OTOF: variants seen among roughly 807,000 people sequenced by gnomAD.
OTOF encodes fer-1-like family member 2.
In OTOF, 218 loss-of-function variants were observed where a neutral mutation model predicts 236.8. The ratio of observed to expected loss-of-function variants is 0.92; its 90% CI spans 0.82 to 1.03. OTOF has a LOEUF of 1.03. Ranked by LOEUF, OTOF falls within the 50% of genes least tolerant of loss-of-function variation. The probability of loss-of-function intolerance (pLI) is 0.00; values close to 1 mark genes in which losing one functional copy is unlikely to be tolerated. For synonymous variants in OTOF, 1,041 were observed against 1,072.5 expected (o/e 0.97, Z 0.57); for missense variants, 2,590 against 2,694.4 (o/e 0.96, Z 0.86).
chr2:26,467,256 G>C (rs750418724), intron 34 of OTOF, 23 bp from the exon 35 acceptor site: 1 of 1,614,060 alleles, frequency 6.2e-7, no homozygotes, highest in African/African-American at 1.3e-5. Context: ...AGGCTGTTAG[G>C]GGGCGGCTGC....
chr2:26,468,271 A>G, intron 33 of OTOF, 137 bp downstream of exon 33: 1 of 750,712 alleles, frequency 1.3e-6, no homozygotes, highest in South Asian at 1.4e-5. Context: ...CCCATGGATT[A>G]CTGATGCTGC....
At chr2:26,522,616 T>TG in intron 3 of OTOF, among the ~76,000 whole-genome samples, 1 of 152,108 alleles carries the variant, frequency 6.6e-6, no homozygotes, top group East Asian at 1.9e-4. Flanking sequence ...CCCAGGACGA[T>TG]TGAGGAAGGG....
Position 26,480,879 on chromosome 2 carries a change from C to A in OTOF, c.1710G>T (p.Leu570=). The change falls in exon 15 of 47, where the codon CTG becomes CTT. Residue 570 remains leucine (L), a synonymous_variant. Coordinates refer to ENST00000272371, the MANE Select transcript of OTOF (RefSeq NM_194248.3). ...GEGVSFRARL[L]LGLAVEIVDT... ...CTACGATCTCCACAGCCAGGCCCAG[C>A]AGGAGCCGGGCCCGGAAGGACACAC... 6.2e-7 allele frequency: 1 copy of A among 1,613,030 alleles called. No homozygotes were observed. The highest frequency in any genetic ancestry group is 8.5e-7 in the Non-Finnish European group (1 of 1,180,008).
At chr2:26,552,549 C>G (rs1667487934) in intron 1 of OTOF, among the ~76,000 whole-genome samples, 1 of 152,148 alleles carries the variant, frequency 6.6e-6, no homozygotes, top group South Asian at 2.1e-4. Flanking sequence ...CAGGGGAAGG[C>G]AGTTTTACAA....
rs1385247703 is a variant in OTOF, at chr2:26,470,056, G to A, written c.4023+537C>T. Reference sequence around the variant, plus strand: ...ATAGGGGAAGAATCATTCACGTGCCGATGACCAAGATGTGTAAAATAAAAC... The same window carrying A: ...ATAGGGGAAGAATCATTCACGTGCCAATGACCAAGATGTGTAAAATAAAAC... On this transcript the variant is annotated intron_variant, in intron 32 of 46. Transcript: ENST00000272371. The surrounding 1 kb of genome is among the most constrained non-coding windows in gnomAD (Gnocchi z 4.3). Among the ~76,000 whole-genome samples, 2 of 152,184 alleles carry A rather than the reference G, an allele frequency of 1.3e-5. No homozygotes were observed. The highest frequency in any genetic ancestry group is 1.3e-4 in the Admixed American group (2 of 15,276).
chr2:26,472,418 T>C (rs1665031737), intron 30 of OTOF, 101 bp downstream of exon 30: 1 of 1,449,056 alleles, frequency 6.9e-7, no homozygotes, highest in African/African-American at 1.4e-5. Flanking sequence ...AAGGAGGCTC[T>C]TAGTGTCCTT....
chr2:26,551,377 C>G (rs1667458947), intron 1 of OTOF, among the ~76,000 whole-genome samples: 1 of 152,232 alleles, frequency 6.6e-6, no homozygotes, highest in Non-Finnish European at 1.5e-5. Flanking sequence ...AATAAAAACT[C>G]CTGACTCACT....
chr2:26,487,420 T>C (rs570883162), intron 11 of OTOF, among the ~76,000 whole-genome samples: 7 of 152,230 alleles, frequency 4.6e-5, no homozygotes, highest in African/African-American at 1.7e-4. Flanking sequence ...AGTGGAGACC[T>C]CGGCCCACAT....
rs1432445379 is a variant in OTOF at position 26,473,264 on chromosome 2, G to T, written c.3601C>A (p.Pro1201Thr). 1 of 1,613,320 alleles carries T rather than the reference G, an allele frequency of 6.2e-7. No individual in the cohort carries two copies. The highest frequency in any genetic ancestry group is 8.5e-7 in the Non-Finnish European group (1 of 1,179,930). Residue 1201 changes from proline to threonine, a missense_variant, in exon 29 of 47, where the codon CCC becomes ACC. By Grantham distance (38) the Pro-to-Thr change is conservative. Transcript: ENST00000272371. This position sits in a 1 kb window ranked among gnomAD's most constrained non-coding sequence, Gnocchi z 7.2. ...CAGTCCACCACACGGATGTTCAAGG[G>T]CGGGTGCAGCAGCTCGTTCTCTGGG... ...DLPENELLHP[P>T]LNIRVVDCRA...
intron 1 of OTOF, among the ~76,000 whole-genome samples, chr2:26,548,485 TTCTCCCTCCCCAC>T (rs1456713948): frequency 6.6e-6 from 1 of 151,870 alleles, no homozygotes; most frequent in Non-Finnish European, 1.5e-5. Flanking sequence ...TCACTCCCCA[TTCTCCCTCCCCAC>T]AGCCCTTGAC....
intron 34 of OTOF, 50 bp downstream of exon 34, chr2:26,467,315 C>T: frequency 6.2e-7 from 1 of 1,613,788 alleles, no homozygotes; most frequent in Non-Finnish European, 8.5e-7. Flanking sequence ...ACTGCGCCCC[C>T]CTCTTCCCGC....
intron 8 of OTOF, among the ~76,000 whole-genome samples, chr2:26,499,664 CCAT>C (rs1666071783): frequency 6.6e-6 from 1 of 152,224 alleles, no homozygotes; most frequent in East Asian, 1.9e-4. Flanking sequence ...TGCGCCACCA[CCAT>C]GCCTGGCTAA....
chr2:26,543,655 T>G (rs1035273233), intron 1 of OTOF, among the ~76,000 whole-genome samples: 1 of 152,244 alleles, frequency 6.6e-6, no homozygotes, highest in African/African-American at 2.4e-5. Flanking sequence ...AGTTTATCCC[T>G]CAATAAGAAA....
chr2:26,489,670 C>G lies in OTOF; in HGVS notation c.960+8G>C. ...GGCCCTGCCGGCCAGGGGCTGCTCC[C>G]CACTCACCGAAATCTTGATGATCTT... On this transcript the variant is annotated splice_region_variant and intron_variant, in intron 10 of 46. Transcript: ENST00000272371. 6.2e-7 allele frequency: 1 copy of G among 1,611,484 alleles called. No individual in the cohort carries two copies. The highest frequency in any genetic ancestry group is 8.5e-7 in the Non-Finnish European group (1 of 1,178,546).
rs201349303 is a variant in OTOF at position 26,497,089 on chromosome 2, C to CTTTT, written c.766-2020_766-2017dup. ...TAAGCATGGACCTCTGTACATTCTT[C>CTTTT]TTTTTTTTTTTTTTTTTTTTTTTTT... On this transcript the variant is annotated intron_variant, in intron 8 of 46. Transcript: ENST00000272371. Among the ~76,000 whole-genome samples the CTTTT allele has an allele frequency of 2.9e-3, 281 of 97,776 alleles. 8 individuals are homozygous for CTTTT. Among genetic ancestry groups the CTTTT allele is most frequent in the Non-Finnish European group, 4.6e-3 (205 of 44,990 alleles). The allele number at this position is 97,776 out of a possible 152,430, so 64.1% of individuals were successfully genotyped here.
intron 14 of OTOF, among the ~76,000 whole-genome samples, chr2:26,482,130 A>C (rs1011027762): frequency 5.9e-5 from 9 of 152,168 alleles, no homozygotes; most frequent in Non-Finnish European, 1.0e-4. Flanking sequence ...CATATCATAT[A>C]ATCATTATTA....
chr2:26,500,599 T>G (rs1666093424), intron 8 of OTOF, among the ~76,000 whole-genome samples: 1 of 152,204 alleles, frequency 6.6e-6, no homozygotes, highest in Non-Finnish European at 1.5e-5. Flanking sequence ...CTTGAAGTTA[T>G]TTAAAACCAC....
At chr2:26,512,918 G>A (rs1045876147) in intron 5 of OTOF, among the ~76,000 whole-genome samples, 3 of 152,192 alleles carry the variant, frequency 2.0e-5, no homozygotes, top group Non-Finnish European at 4.4e-5. Flanking sequence ...CTCACAAATG[G>A]GGAGGGGGGT....
At chr2:26,548,284 T>C (rs1453384506) in intron 1 of OTOF, among the ~76,000 whole-genome samples, 1 of 152,232 alleles carries the variant, frequency 6.6e-6, no homozygotes, top group Non-Finnish European at 1.5e-5. Flanking sequence ...TATACTGTCC[T>C]TGGGTTTAAT....
Sources: gnomAD v4.1 joint callset for allele counts (sites outside exome capture counted in the v4.1 genomes callset) on GRCh38, gnomAD v4.1.1 for gene constraint, Gnocchi (gnomAD v3.1) non-coding constraint, MANE v1.5 for transcripts, NCBI Gene and HGNC (gene_info 2026-07-23, HGNC 2026-07-21) for gene names.